Variants in COL5A1 observed in about 807,000 individuals in gnomAD.
The protein encoded by COL5A1 is collagen alpha-1(V) chain.
A neutral mutation model predicts 263.7 loss-of-function variants in COL5A1; 16 were observed. The ratio of observed to expected loss-of-function variants is 0.06; its 90% confidence interval spans 0.04 to 0.09. The LOEUF (loss-of-function observed/expected upper bound fraction) is 0.09, where lower values mean the gene tolerates loss of function less well. Among genes scored for constraint, COL5A1 ranks in the 10% least tolerant of loss-of-function variants. COL5A1 has a pLI of 1.00. For synonymous variants in COL5A1, 1,012 were observed against 1,004.5 expected, an observed-to-expected ratio of 1.01 and a Z score of -0.14; for missense variants, 2,036 against 2,540.5, an observed-to-expected ratio of 0.80 and a Z score of 4.27.
chr9:134,830,302 A>C, intron 64 of COL5A1: 1 of 939,918 alleles, frequency 1.1e-6, no homozygotes, highest in Non-Finnish European at 1.6e-6. Context: ...GCTCCACATC[A>C]CGTGACAGCA....
chr9:134,739,161 G>A (rs950519887), intron 11 of COL5A1, among the ~76,000 whole-genome samples: 3 of 152,316 alleles, frequency 2.0e-5, no homozygotes, highest in Non-Finnish European at 2.9e-5. Flanking sequence ...GCCACACCAC[G>A]TGGAATTGGC....
chr9:134,828,228 C>T (rs1256360984), intron 63 of COL5A1, among the ~76,000 whole-genome samples: 2 of 152,186 alleles, frequency 1.3e-5, no homozygotes, highest in African/African-American at 2.4e-5. Context: ...CCCATCCATC[C>T]GTGGCGTCAC....
At chr9:134,813,164 C>T (rs542106292) in intron 48 of COL5A1, among the ~76,000 whole-genome samples, 3 of 151,450 alleles carry the variant, frequency 2.0e-5, no homozygotes, top group Non-Finnish European at 4.4e-5. Context: ...GTTTTGGAGC[C>T]CAGACTCCAT....
At chr9:134,805,908 G>A (rs975805028) in intron 41 of COL5A1, among the ~76,000 whole-genome samples, 9 of 152,140 alleles carry the variant, frequency 5.9e-5, no homozygotes, top group African/African-American at 2.2e-4. Flanking sequence ...CTCAAGGGGA[G>A]GGGGTGCCAG....
chr9:134,702,267 C>T (rs1833702176), intron 4 of COL5A1, among the ~76,000 whole-genome samples: 1 of 152,206 alleles, frequency 6.6e-6, no homozygotes, highest in Admixed American at 6.5e-5. Context: ...GTGGCTAAAA[C>T]CTGTTCGAAA....
At chr9:134,715,106 A>G (rs1834216417) in intron 4 of COL5A1, among the ~76,000 whole-genome samples, 1 of 152,022 alleles carries the variant, frequency 6.6e-6, no homozygotes, top group African/African-American at 2.4e-5. Context: ...TTCCCTCAGT[A>G]TTTATTGATC....
intron 2 of COL5A1, among the ~76,000 whole-genome samples, chr9:134,695,495 C>G (rs1260257013): frequency 6.6e-6 from 1 of 152,212 alleles, no homozygotes; most frequent in Admixed American, 6.5e-5. Context: ...GCTGCAGGGG[C>G]AGGCTGACGT....
intron 4 of COL5A1, chr9:134,708,553 C>A: frequency 1.9e-6 from 1 of 517,924 alleles, no homozygotes; most frequent in South Asian, 1.4e-5. Flanking sequence ...GATCCACCTC[C>A]GCTGTCTCAG....
intron 37 of COL5A1, among the ~76,000 whole-genome samples, chr9:134,800,334 C>T (rs550447322): frequency 6.0e-4 from 92 of 152,260 alleles, no homozygotes; most frequent in Middle Eastern, 3.4e-3. Flanking sequence ...ATGCCCTTGA[C>T]ACCCATCCAC....
chr9:134,665,023 A>C (rs1433490006), intron 1 of COL5A1, among the ~76,000 whole-genome samples: 1 of 152,182 alleles, frequency 6.6e-6, no homozygotes, highest in Non-Finnish European at 1.5e-5. Context: ...ACATGGTGGA[A>C]CCCTGTCTCT....
chr9:134,816,591 G>A (rs941415528), intron 52 of COL5A1, among the ~76,000 whole-genome samples: 9 of 152,220 alleles, frequency 5.9e-5, no homozygotes, highest in Non-Finnish European at 1.3e-4. Flanking sequence ...TGAGAGGAGC[G>A]TCCACTCAGA....
rs750822330 is a variant in COL5A1 at position 134,758,352 on chromosome 9, C to T, written c.1935+56C>T. 6.7e-5 allele frequency: 105 copies of T among 1,561,654 alleles called. No individual in the cohort carries two copies. Among genetic ancestry groups the T allele is most frequent in the Admixed American group, 2.7e-4 (16 of 59,858 alleles). On this transcript the variant is annotated intron_variant, in intron 18 of 65. Coordinates refer to ENST00000371817, the MANE Select transcript of COL5A1 (RefSeq NM_000093.5). The surrounding 1 kb of genome is among the most constrained non-coding windows in gnomAD (Gnocchi z 4.1). The stretch of plus-strand genomic sequence containing the variant: ...GACGATGGGCAGCAGAGGTGTCTCT[C>T]GGGAGGCCCTTCTCCTTCCAGGCAG...
Position 134,763,752 on chromosome 9 carries a change from T to C in COL5A1, c.2034+15T>C. The C allele has an allele frequency of 6.2e-7, 1 of 1,612,502 alleles. No individual in the cohort carries two copies. The highest frequency in any genetic ancestry group is 8.5e-7 in the Non-Finnish European group (1 of 1,178,862). On this transcript the variant is annotated intron_variant, in intron 20 of 65. Transcript: ENST00000371817. ...CTGGGGAGCCCGTAAGTCTGTGAGC[T>C]GAGTGGGACGGTGGGGGCTCAGTGT...
chr9:134,807,035 T>G (rs28393811), intron 42 of COL5A1, among the ~76,000 whole-genome samples: 8,206 of 152,214 alleles, frequency 0.054, 682 homozygotes, highest in African/African-American at 0.19. Flanking sequence ...CCTGCTAGCC[T>G]GCTTTCGTGA....
rs1286290762 is a variant in COL5A1, at chr9:134,742,248, A to G, written c.1494+3440A>G. ...TGCTCTTGTGCCCACGGCTGCCCGC[A>G]GGGAGCAGAGTGCAAGGAGAGGCAC... On this transcript the variant is annotated intron_variant, in intron 11 of 65. Coordinates refer to ENST00000371817, the MANE Select transcript of COL5A1 (RefSeq NM_000093.5). The surrounding 1 kb of genome is among the most constrained non-coding windows in gnomAD (Gnocchi z 4.6). 6.6e-6 allele frequency among the ~76,000 whole-genome samples: 1 copy of G among 152,016 alleles called. No homozygotes were observed. The highest frequency in any genetic ancestry group is 1.9e-4 in the East Asian group (1 of 5,132).
chr9:134,761,172 A>G (rs1432418523), intron 18 of COL5A1, among the ~76,000 whole-genome samples: 18 of 109,764 alleles, frequency 1.6e-4, no homozygotes, highest in African/African-American at 8.0e-4. Context: ...ACACACCTAT[A>G]CACACATATG....
Position 134,750,692 on chromosome 9 carries a change from G to A in COL5A1, c.1569+76G>A, listed in dbSNP as rs1353401910. The A allele has an allele frequency of 2.2e-5, 35 of 1,593,610 alleles. 1 individual carries two copies. In the East Asian group the frequency reaches 6.7e-4, roughly 31 times the overall value. ...TCCAAACCAGACCCTCTGAGGCTGC[G>A]CTGTCACTGGAGAGGCCTGTGGGCC... On this transcript the variant is annotated intron_variant, in intron 12 of 65. Coordinates refer to ENST00000371817, the MANE Select transcript of COL5A1 (RefSeq NM_000093.5).
rs960950748 is a variant in COL5A1 at position 134,700,470 on chromosome 9, T to C, written c.491+348T>C. Among the ~76,000 whole-genome samples the C allele has an allele frequency of 6.6e-6, 1 of 152,186 alleles. No homozygotes were observed. The highest frequency in any genetic ancestry group is 1.5e-5 in the Non-Finnish European group (1 of 68,034). ...TTTCCAGAAAGGATTTCAGGTATCC[T>C]TCAAGGACACAGGTGTGTTAGGAGT... On this transcript the variant is annotated intron_variant, in intron 3 of 65. Transcript: ENST00000371817. This position sits in a 1 kb window ranked among gnomAD's most constrained non-coding sequence, Gnocchi z 4.0.
Position 134,801,833 on chromosome 9 carries a change from G to A in COL5A1, c.2953-121G>A, listed in dbSNP as rs557712951. ...AAGAGACATGGGCCTCTTACACAAA[G>A]TCTGGAACATCTACTCTGGGGGGAA... On this transcript the variant is annotated intron_variant, in intron 37 of 65. Transcript: ENST00000371817. 253 of 869,392 alleles carry A rather than the reference G, an allele frequency of 2.9e-4. 1 individual carries two copies. Among genetic ancestry groups the A allele is most frequent in the Non-Finnish European group, 4.3e-4 (222 of 516,168 alleles). 53.9% of individuals were successfully genotyped at this position (869,392 alleles called of 1,614,324 possible). A position where few individuals can be genotyped will look rare whatever the true frequency, so the allele number is the denominator to read the frequency against.
Sources: allele counts gnomAD v4.1 joint callset (sites outside exome capture counted in the v4.1 genomes callset), GRCh38; gene constraint gnomAD v4.1.1; non-coding constraint Gnocchi (gnomAD v3.1); transcripts MANE v1.5; gene names NCBI Gene and HGNC (gene_info 2026-07-23, HGNC 2026-07-21).